Variants in GCGR observed in about 807,000 individuals in gnomAD.
GCGR encodes the protein glucagon receptor.
GCGR carries 41 observed loss-of-function variants against 56.1 expected under a neutral mutation model. The ratio of observed to expected loss-of-function variants is 0.73; its 90% CI spans 0.57 to 0.95. The LOEUF (loss-of-function observed/expected upper bound fraction) is 0.95. Among genes scored for constraint, GCGR ranks in the 40% least tolerant of loss-of-function variants. The pLI is 0.00. For missense variants in GCGR, 595 were observed against 638.2 expected (o/e 0.93, Z 0.73); for synonymous variants, 278 against 271.1 (o/e 1.03, Z -0.25).
At position 81,811,050 on chromosome 17, in the gene GCGR, T is replaced by G. The variant is rs2038085768; in HGVS notation, c.312T>G (p.Gly104=). 1.3e-6 allele frequency: 2 copies of G among 1,536,040 alleles called. No homozygotes were observed. Among genetic ancestry groups the G allele is most frequent in the Non-Finnish European group, 1.7e-6 (2 of 1,146,820 alleles). ...RFVFKRCGPD[G]QWVRGPRGQP... is the part of the protein sequence containing the mutation. ...TGTTCAAGAGATGCGGGCCCGACGG[T>G]CAGTGGGTGCGTGGACCCCGGGGGC... Residue 104 remains glycine (G), a synonymous_variant, in exon 5 of 14, where the codon GGT becomes GGG. Coordinates refer to ENST00000400723, the MANE Select transcript of GCGR (RefSeq NM_000160.5). This position sits in a 1 kb window ranked among gnomAD's most constrained non-coding sequence, Gnocchi z 5.8.
rs1457340843 is a variant in GCGR at position 81,812,994 on chromosome 17, C to G, written c.1177-22C>G. 1 of 1,536,150 alleles carries G rather than the reference C, an allele frequency of 6.5e-7. No individual in the cohort carries two copies. The highest frequency in any genetic ancestry group is 2.4e-5 in the East Asian group (1 of 40,922). On this transcript the variant is annotated intron_variant, in intron 12 of 13. Transcript: ENST00000400723. This position sits in a 1 kb window ranked among gnomAD's most constrained non-coding sequence, Gnocchi z 8.5. ...CCCGCCCGGGGCGCAGTGTGCCACCCCTGACCACCCTGTCTCTCCAGGGCC... is the reference window on the plus strand; with the variant it reads ...CCCGCCCGGGGCGCAGTGTGCCACCGCTGACCACCCTGTCTCTCCAGGGCC...
chr17:81,812,749 C>T lies in GCGR; in HGVS notation c.1038-58C>T, dbSNP rs186436210. On this transcript the variant is annotated intron_variant, in intron 11 of 13. Coordinates refer to ENST00000400723, the MANE Select transcript of GCGR (RefSeq NM_000160.5). The surrounding 1 kb of genome is among the most constrained non-coding windows in gnomAD (Gnocchi z 8.5). The stretch of plus-strand genomic sequence containing the variant: ...CTGGGGGTGGGGACTCCAAGCTCCA[C>T]GTGGATGGTGCGGGCCGAGGGTGGG... 3.0e-4 allele frequency: 457 copies of T among 1,515,594 alleles called. No homozygotes were observed. In the East Asian group the frequency reaches 9.7e-3, roughly 32 times the overall value. The allele number at this position is 1,515,594 out of a possible 1,614,324, so 93.9% of individuals were successfully genotyped here.
chr17:81,813,194 T>C lies in GCGR; in HGVS notation c.1218+137T>C, dbSNP rs551328191. 803 of 1,354,338 alleles carry C rather than the reference T, an allele frequency of 5.9e-4. 11 individuals are homozygous for C. In the South Asian group the frequency reaches 9.3e-3, roughly 16 times the overall value. 83.9% of individuals were successfully genotyped at this position (1,354,338 alleles called of 1,614,324 possible). A position where few individuals can be genotyped will look rare whatever the true frequency, so the allele number is the denominator to read the frequency against. The stretch of plus-strand genomic sequence containing the variant: ...GGCCCAAGCCTTTCCCTCCCCCTGC[T>C]CTTATTGGGTGCAGTTGCCATGGCG... On this transcript the variant is annotated intron_variant, in intron 13 of 13. Coordinates refer to ENST00000400723, the MANE Select transcript of GCGR (RefSeq NM_000160.5). This position sits in a 1 kb window ranked among gnomAD's most constrained non-coding sequence, Gnocchi z 5.3.
Position 81,812,939 on chromosome 17 carries a change from C to A in GCGR, c.1170C>A (p.Ser390=). Residue 390 remains serine (S), a synonymous_variant, in exon 12 of 14, where the codon TCC becomes TCA. Coordinates refer to ENST00000400723, the MANE Select transcript of GCGR (RefSeq NM_000160.5). This position sits in a 1 kb window ranked among gnomAD's most constrained non-coding sequence, Gnocchi z 8.5. ...AKLFFDLFLS[S]FQGLLVAVLY... ...TCTTCTTCGACCTCTTCCTCAGCTC[C>A]TTCCAGGTGCCCGCCCGCCCGCCGG... 1 of 1,535,832 alleles carries A rather than the reference C, an allele frequency of 6.5e-7. No homozygotes were observed. Among genetic ancestry groups the A allele is most frequent in the East Asian group, 2.4e-5 (1 of 40,892 alleles).
Position 81,808,844 on chromosome 17 carries a change from C to G in GCGR, c.-175C>G. 2 of 747,548 alleles carry G rather than the reference C, an allele frequency of 2.7e-6. No individual in the cohort carries two copies. The highest frequency in any genetic ancestry group is 3.4e-5 in the South Asian group (2 of 59,620). The allele number at this position is 747,548 out of a possible 1,614,324, so 46.3% of individuals were successfully genotyped here. ...CCCAGCTCCCTCTTTATCCCTAGGA[C>G]CCTGAGGCTCAGAGGGGCAGCTTCA... On this transcript the variant is annotated splice_region_variant and 5_prime_UTR_variant, in exon 2 of 14. Transcript: ENST00000400723.
chr17:81,811,314 C>G lies in GCGR; in HGVS notation c.486C>G (p.Ile162Met). The change falls in exon 6 of 14, where the codon ATC becomes ATG. Residue 162 changes from isoleucine to methionine, a missense_variant. Physicochemically the swap from Ile to Met is conservative, Grantham distance 10. Coordinates refer to ENST00000400723, the MANE Select transcript of GCGR (RefSeq NM_000160.5). This position sits in a 1 kb window ranked among gnomAD's most constrained non-coding sequence, Gnocchi z 5.8. ...SLGALLLALA[I>M]LGGLSKLHCT... ...GGGCCCTGCTCCTCGCCTTGGCCAT[C>G]CTGGGGGGCCTCAGGTAGGATTCCG... The G allele has an allele frequency of 6.5e-7, 1 of 1,535,238 alleles. No individual in the cohort carries two copies. The highest frequency in any genetic ancestry group is 8.7e-7 in the Non-Finnish European group (1 of 1,146,080).
chr17:81,811,846 C>T lies in GCGR; in HGVS notation c.817+36C>T. 6.5e-7 allele frequency: 1 copy of T among 1,536,982 alleles called. No individual in the cohort carries two copies. The highest frequency in any genetic ancestry group is 1.2e-5 in the South Asian group (1 of 84,056). On this transcript the variant is annotated intron_variant, in intron 8 of 13. Coordinates refer to ENST00000400723, the MANE Select transcript of GCGR (RefSeq NM_000160.5). This position sits in a 1 kb window ranked among gnomAD's most constrained non-coding sequence, Gnocchi z 5.8. Reference sequence around the variant, plus strand: ...TGGCATGAGAGGGGGTTAAGGCAGGCTGACCAAGCCTTTGGGACCACAGCT... The same window carrying T: ...TGGCATGAGAGGGGGTTAAGGCAGGTTGACCAAGCCTTTGGGACCACAGCT...
At chr17:81,809,488 CGTCTGCCTGTCCGTCTGCCTGCCT>C (rs1221399310) in intron 2 of GCGR, among the ~76,000 whole-genome samples, 3 of 61,628 alleles carry the variant, frequency 4.9e-5, no homozygotes, top group East Asian at 5.3e-4. Context: ...CCTGCCTGTC[CGTCTGCCTGTCCGTCTGCCTGCCT>C]GTCTGCCTGC....
chr17:81,807,364 C>T (rs899698409), intron 1 of GCGR, among the ~76,000 whole-genome samples: 2 of 152,226 alleles, frequency 1.3e-5, no homozygotes, highest in African/African-American at 2.4e-5. Flanking sequence ...CAGTCTGTGA[C>T]GCAGGTGCCT....
rs914988914 is a variant in GCGR, at chr17:81,806,061, A to G, written c.-178+1812A>G. On this transcript the variant is annotated intron_variant, in intron 1 of 13. Transcript: ENST00000400723. This position sits in a 1 kb window ranked among gnomAD's most constrained non-coding sequence, Gnocchi z 6.5. The stretch of plus-strand genomic sequence containing the variant: ...GATGGGGCAGGGTCCCCACTTGGGA[A>G]GTTAAATCGTCGTCCCCGTCCCAGG... 2.6e-5 allele frequency among the ~76,000 whole-genome samples: 4 copies of G among 152,024 alleles called. No homozygotes were observed. The highest frequency in any genetic ancestry group is 7.2e-5 in the African/African-American group (3 of 41,390).
rs868431560 is a variant in GCGR at position 81,810,878 on chromosome 17, G to A, written c.217G>A (p.Ala73Thr). 34 of 1,502,590 alleles carry A rather than the reference G, an allele frequency of 2.3e-5. No individual in the cohort carries two copies. The highest frequency in any genetic ancestry group is 1.8e-4 in the African/African-American group (13 of 71,710). The allele number at this position is 1,502,590 out of a possible 1,614,324, so 93.1% of individuals were successfully genotyped here. The change falls in exon 4 of 14, where the codon GCC becomes ACC. Residue 73 changes from alanine to threonine, a missense_variant. Physicochemically the swap from Ala to Thr is moderately conservative, Grantham distance 58. Transcript: ENST00000400723. This position sits in a 1 kb window ranked among gnomAD's most constrained non-coding sequence, Gnocchi z 4.6. ...DKYSCWPDTP[A>T]NTTANISCPW... is the part of the protein sequence containing the mutation. ...GTATTCCTGCTGGCCGGACACCCCC[G>A]CCAATACCACGGCCAACATCTCCTG...
Position 81,811,051 on chromosome 17 carries a change from C to T in GCGR, c.313C>T (p.Gln105Ter), listed in dbSNP as rs1451404133. 1 of 1,536,218 alleles carries T rather than the reference C, an allele frequency of 6.5e-7. No homozygotes were observed. Among genetic ancestry groups the T allele is most frequent in the Admixed American group, 2.0e-5 (1 of 51,006 alleles). The change falls in exon 5 of 14, where the codon CAG (glutamine) becomes TAG (stop). Residue 105 changes from glutamine to a stop codon, truncating the protein, a stop_gained. Transcript: ENST00000400723. LOFTEE classifies it high-confidence loss of function. This position sits in a 1 kb window ranked among gnomAD's most constrained non-coding sequence, Gnocchi z 5.8. ...FVFKRCGPDG[Q>*]WVRGPRGQPW... is the part of the protein sequence containing the mutation. ...GTTCAAGAGATGCGGGCCCGACGGT[C>T]AGTGGGTGCGTGGACCCCGGGGGCA...
Position 81,812,604 on chromosome 17 carries a change from G to A in GCGR, c.976G>A (p.Val326Ile), listed in dbSNP as rs538739071. 9.1e-6 allele frequency: 14 copies of A among 1,536,578 alleles called. No homozygotes were observed. Among genetic ancestry groups the A allele is most frequent in the East Asian group, 7.3e-5 (3 of 40,902 alleles). ...LINFFIFVRI[V>I]QLLVAKLRAR... ...CAACTTCTTCATCTTCGTCCGCATC[G>A]TTCAGCTGCTCGTGGCCAAGCTGCG... is the stretch of plus-strand genomic sequence containing the variant. Residue 326 changes from valine (V) to isoleucine (I), a missense_variant, in exon 11 of 14, where the codon GTT becomes ATT. Val to Ile is a conservative substitution (Grantham distance 29, BLOSUM62 3). Transcript: ENST00000400723. The surrounding 1 kb of genome is among the most constrained non-coding windows in gnomAD (Gnocchi z 8.5).
In GCGR at chr17:81,812,988, G is replaced by A. The variant is rs2038135486; in HGVS notation, c.1177-28G>A. On this transcript the variant is annotated intron_variant, in intron 12 of 13. Transcript: ENST00000400723. The surrounding 1 kb of genome is among the most constrained non-coding windows in gnomAD (Gnocchi z 8.5). ...GGCTCCCCCGCCCGGGGCGCAGTGTGCCACCCCTGACCACCCTGTCTCTCC... is the reference window on the plus strand; with the variant it reads ...GGCTCCCCCGCCCGGGGCGCAGTGTACCACCCCTGACCACCCTGTCTCTCC... The A allele has an allele frequency of 1.0e-5, 16 of 1,536,204 alleles. No homozygotes were observed. The highest frequency in any genetic ancestry group is 1.4e-5 in the African/African-American group (1 of 73,150).
In GCGR at chr17:81,811,702, G is replaced by T; in HGVS notation, c.709G>T (p.Ala237Ser). Residue 237 changes from alanine to serine, a missense_variant, in exon 8 of 14, where the codon GCC (alanine) becomes TCC (serine). Ala to Ser is a moderately conservative substitution (Grantham distance 99, BLOSUM62 1). Coordinates refer to ENST00000400723, the MANE Select transcript of GCGR (RefSeq NM_000160.5). The surrounding 1 kb of genome is among the most constrained non-coding windows in gnomAD (Gnocchi z 5.8). ...AAVFMQYGIV[A>S]NYCWLLVEGL... ...GGTGTTCATGCAATATGGCATCGTG[G>T]CCAACTACTGCTGGCTGCTGGTGGA... 1 of 1,543,272 alleles carries T rather than the reference G, an allele frequency of 6.5e-7. No homozygotes were observed.
At chr17:81,808,353 C>CT (rs2038003978) in intron 1 of GCGR, among the ~76,000 whole-genome samples, 1 of 152,124 alleles carries the variant, frequency 6.6e-6, no homozygotes, top group African/African-American at 2.4e-5. Context: ...AGGTCACCAT[C>CT]TGGGGAGGCT....
chr17:81,812,687 G>T lies in GCGR; in HGVS notation c.1037+22G>T, dbSNP rs1272144039. The T allele has an allele frequency of 2.0e-6, 3 of 1,531,644 alleles. No individual in the cohort carries two copies. The East Asian group carries it at 7.4e-5, about 38-fold the overall frequency. The allele number at this position is 1,531,644 out of a possible 1,614,324, so 94.9% of individuals were successfully genotyped here. On this transcript the variant is annotated intron_variant, in intron 11 of 13. Coordinates refer to ENST00000400723, the MANE Select transcript of GCGR (RefSeq NM_000160.5). The surrounding 1 kb of genome is among the most constrained non-coding windows in gnomAD (Gnocchi z 8.5). Reference sequence around the variant, plus strand: ...TCCGGTGGGTGCCGCGGCAGCTGGCGTCTCGAGACCTGGAGACCCTCAGGG... The same window carrying T: ...TCCGGTGGGTGCCGCGGCAGCTGGCTTCTCGAGACCTGGAGACCCTCAGGG...
chr17:81,812,247 A>T lies in GCGR; in HGVS notation c.943A>T (p.Ile315Phe). 1 of 1,535,602 alleles carries T rather than the reference A, an allele frequency of 6.5e-7. No individual in the cohort carries two copies. The highest frequency in any genetic ancestry group is 8.7e-7 in the Non-Finnish European group (1 of 1,146,740). Residue 315 changes from isoleucine (I) to phenylalanine (F), a missense_variant, in exon 10 of 14, where the codon ATC becomes TTC. Transcript: ENST00000400723. The surrounding 1 kb of genome is among the most constrained non-coding windows in gnomAD (Gnocchi z 8.5). ...WILRFPVFLA[I>F]LINFFIFVRI... The stretch of plus-strand genomic sequence containing the variant: ...CCTGCGGTTCCCCGTCTTCCTGGCC[A>T]TCCTGGTGAGGAAATGAAGAGCCAG...
Position 81,812,919 on chromosome 17 carries a change from T to C in GCGR, c.1150T>C (p.Phe384Leu). 1 of 1,536,046 alleles carries C rather than the reference T, an allele frequency of 6.5e-7. No homozygotes were observed. Residue 384 changes from phenylalanine (F) to leucine (L), a missense_variant, in exon 12 of 14, where the codon TTC becomes CTC. By Grantham distance (22) the Phe-to-Leu change is conservative. Transcript: ENST00000400723. The surrounding 1 kb of genome is among the most constrained non-coding windows in gnomAD (Gnocchi z 8.5). Reference protein sequence around the residue: ...QGTLRSAKLFFDLFLSSFQGL... With the variant: ...QGTLRSAKLFLDLFLSSFQGL... ...CACCCTGCGCTCCGCCAAGCTCTTCTTCGACCTCTTCCTCAGCTCCTTCCA... is the reference window on the plus strand; with the variant it reads ...CACCCTGCGCTCCGCCAAGCTCTTCCTCGACCTCTTCCTCAGCTCCTTCCA...
Sources: allele counts gnomAD v4.1 joint callset (sites outside exome capture counted in the v4.1 genomes callset), GRCh38; gene constraint gnomAD v4.1.1; non-coding constraint Gnocchi (gnomAD v3.1); transcripts MANE v1.5; gene names NCBI Gene and HGNC (gene_info 2026-07-23, HGNC 2026-07-21).